PUM2: variants seen among roughly 807,000 people sequenced by gnomAD.
PUM2 encodes the protein pumilio RNA binding family member 2.
In PUM2, 57 loss-of-function variants were observed where a neutral mutation model predicts 124.5. That is an observed-to-expected ratio of 0.46 (90% confidence interval 0.37 to 0.57). PUM2 has a LOEUF of 0.57. Ranked by LOEUF, PUM2 falls within the 20% of genes least tolerant of loss-of-function variation. The probability of loss-of-function intolerance (pLI) is 0.00; values close to 1 mark genes in which losing one functional copy is unlikely to be tolerated. For missense variants in PUM2, 1,065 were observed against 1,290.6 expected (o/e 0.83, Z 2.68); for synonymous variants, 460 against 446.1 (o/e 1.03, Z -0.39).
chr2:20,343,690 C>T (rs1453880566), intron 1 of PUM2, among the ~76,000 whole-genome samples: 1 of 152,130 alleles, frequency 6.6e-6, no homozygotes, highest in East Asian at 1.9e-4. Context: ...TTGCTTTAGT[C>T]CAGGAATTCG....
intron 3 of PUM2, among the ~76,000 whole-genome samples, chr2:20,314,834 T>C (rs1440552812): frequency 6.6e-6 from 1 of 152,172 alleles, no homozygotes; most frequent in Non-Finnish European, 1.5e-5. Context: ...ACAACACAGT[T>C]TGTCCTCAAG....
intron 13 of PUM2, among the ~76,000 whole-genome samples, chr2:20,275,600 G>A (rs1230077964): frequency 6.6e-6 from 1 of 152,018 alleles, no homozygotes; most frequent in Non-Finnish European, 1.5e-5. Context: ...TCACAATGGA[G>A]ACAACCAAAC....
intron 9 of PUM2, among the ~76,000 whole-genome samples, chr2:20,292,279 A>G (rs1003090133): frequency 6.8e-6 from 1 of 147,276 alleles, no homozygotes; most frequent in Admixed American, 6.8e-5. Flanking sequence ...CGTCAGGCCC[A>G]TGGCTGACAG....
chr2:20,252,345 A>G (rs1299246994), intron 20 of PUM2, among the ~76,000 whole-genome samples: 3 of 152,216 alleles, frequency 2.0e-5, no homozygotes, highest in Non-Finnish European at 4.4e-5. Flanking sequence ...CAGGAAGTTG[A>G]GGCTAGAGTT....
intron 2 of PUM2, chr2:20,326,435 T>C (rs1454291274): frequency 7.7e-7 from 1 of 1,301,748 alleles, no homozygotes; most frequent in Non-Finnish European, 1.0e-6. Context: ...GTCTCTATTC[T>C]ACCAAGGTAA....
chr2:20,258,182 C>T, intron 16 of PUM2, 61 bp downstream of exon 16: 1 of 1,398,714 alleles, frequency 7.1e-7, no homozygotes, highest in Middle Eastern at 2.0e-4. Context: ...AGATTAAAAA[C>T]ATGTAATAAT....
chr2:20,269,344 G>T (rs887651465), intron 13 of PUM2, among the ~76,000 whole-genome samples: 1 of 151,984 alleles, frequency 6.6e-6, no homozygotes, highest in Non-Finnish European at 1.5e-5. Context: ...GGGACTACAG[G>T]CACCCGCCAC....
intron 2 of PUM2, among the ~76,000 whole-genome samples, chr2:20,322,409 C>T (rs916423451): frequency 2.0e-5 from 3 of 151,510 alleles, no homozygotes; most frequent in African/African-American, 7.3e-5. Flanking sequence ...ACTGTGAGAC[C>T]CTGTCTCTTT....
intron 2 of PUM2, among the ~76,000 whole-genome samples, chr2:20,323,186 C>T (rs1421967532): frequency 4.6e-5 from 7 of 152,122 alleles, no homozygotes; most frequent in Non-Finnish European, 7.4e-5. Context: ...CGGTGGCTCA[C>T]GTCTGTAATC....
rs566730836 is a variant in PUM2, at chr2:20,304,440, G to C, written c.883+3538C>G. Among the ~76,000 whole-genome samples the C allele has an allele frequency of 7.2e-5, 11 of 152,134 alleles. No individual in the cohort carries two copies. The East Asian group carries it at 1.9e-3, about 27-fold the overall frequency. ...AAGAATAGTTTTAATATTTTTAAAT[G>C]GTTCAAAAAAATAAAATTCAAACAC... On this transcript the variant is annotated intron_variant, in intron 7 of 20. Transcript: ENST00000361078.
At chr2:20,312,897 G>C (rs940822800) in intron 3 of PUM2, among the ~76,000 whole-genome samples, 3 of 152,122 alleles carry the variant, frequency 2.0e-5, no homozygotes, top group African/African-American at 7.2e-5. Flanking sequence ...CAGAACAGAG[G>C]CCTCAGAAAT....
intron 3 of PUM2, among the ~76,000 whole-genome samples, chr2:20,318,182 A>C (rs1353289090): frequency 6.6e-6 from 1 of 152,198 alleles, no homozygotes; most frequent in African/African-American, 2.4e-5. Flanking sequence ...TTTTCACCAC[A>C]ACCTCACCAG....
intron 13 of PUM2, among the ~76,000 whole-genome samples, chr2:20,274,885 A>G (rs1383537165): frequency 6.7e-6 from 1 of 148,256 alleles, no homozygotes; most frequent in East Asian, 2.0e-4. Flanking sequence ...AGAACTAGTC[A>G]GCTAGCTCCA....
At chr2:20,309,377 T>C (rs1405691284) in intron 5 of PUM2, among the ~76,000 whole-genome samples, 3 of 150,992 alleles carry the variant, frequency 2.0e-5, no homozygotes, top group Admixed American at 6.6e-5. Flanking sequence ...TCGAAATGTA[T>C]GACATTTATC....
intron 7 of PUM2, among the ~76,000 whole-genome samples, chr2:20,298,606 T>C (rs192273808): frequency 2.0e-5 from 3 of 152,246 alleles, no homozygotes; most frequent in East Asian, 3.9e-4. Context: ...TGGTGGCTCA[T>C]GCTTGTAATC....
intron 13 of PUM2, among the ~76,000 whole-genome samples, chr2:20,277,466 A>G (rs910911135): frequency 6.6e-6 from 1 of 152,164 alleles, no homozygotes; most frequent in African/African-American, 2.4e-5. Flanking sequence ...ACCCCAAATG[A>G]GCAAAGGCCC....
chr2:20,281,932 T>G (rs925999920), intron 12 of PUM2, among the ~76,000 whole-genome samples: 11 of 152,322 alleles, frequency 7.2e-5, no homozygotes, highest in African/African-American at 2.6e-4. Flanking sequence ...TGGCAAGCAT[T>G]GTTAATAATG....
chr2:20,261,412 A>G (rs1456635819), intron 14 of PUM2, among the ~76,000 whole-genome samples: 1 of 117,246 alleles, frequency 8.5e-6, no homozygotes, highest in Non-Finnish European at 1.8e-5. Flanking sequence ...AAAAAAAAAA[A>G]AAAAAAAAAA....
intron 9 of PUM2, among the ~76,000 whole-genome samples, chr2:20,291,694 A>G (rs1280236405): frequency 6.6e-6 from 1 of 152,056 alleles, no homozygotes; most frequent in Non-Finnish European, 1.5e-5. Context: ...GAATCCTCCA[A>G]TAACTGTTTT....
Sources: gnomAD v4.1 joint callset for allele counts (sites outside exome capture counted in the v4.1 genomes callset) on GRCh38, gnomAD v4.1.1 for gene constraint, MANE v1.5 for transcripts, NCBI Gene and HGNC (gene_info 2026-07-23, HGNC 2026-07-21) for gene names.